FSIP1: variants seen among roughly 807,000 people sequenced by gnomAD.
FSIP1 encodes the protein fibrous sheath interacting protein 1.
A neutral mutation model predicts 60.9 loss-of-function variants in FSIP1; 65 were observed. The ratio of observed to expected loss-of-function variants is 1.07; its 90% CI spans 0.87 to 1.31. The LOEUF (loss-of-function observed/expected upper bound fraction) is 1.31. FSIP1 is among the 40% of genes most tolerant of loss of function. The pLI is 0.00. For missense variants in FSIP1, 675 were observed against 665.5 expected (o/e 1.01, Z -0.16); for synonymous variants, 209 against 221.2 (o/e 0.94, Z 0.49).
intron 10 of FSIP1, among the ~76,000 whole-genome samples, chr15:39,674,240 G>C (rs1457396468): frequency 6.6e-6 from 1 of 151,988 alleles, no homozygotes; most frequent in African/African-American, 2.4e-5. Context: ...AGTTTTAGTA[G>C]AGACAGGGTT....
intron 10 of FSIP1, among the ~76,000 whole-genome samples, chr15:39,640,601 A>G (rs1222609419): frequency 2.0e-5 from 3 of 152,216 alleles, no homozygotes; most frequent in Non-Finnish European, 2.9e-5. Flanking sequence ...ATAAAAGAAG[A>G]ACTTCAGCTG....
At chr15:39,745,541 G>T (rs1453075330) in intron 5 of FSIP1, among the ~76,000 whole-genome samples, 1 of 152,172 alleles carries the variant, frequency 6.6e-6, no homozygotes, top group Non-Finnish European at 1.5e-5. Context: ...AGAGTCTCAA[G>T]TGGCCAGAGT....
chr15:39,707,840 A>C (rs1411412798), intron 10 of FSIP1, among the ~76,000 whole-genome samples: 1 of 152,056 alleles, frequency 6.6e-6, no homozygotes. Flanking sequence ...GCCCTTAACC[A>C]CCAAGCCCCC....
chr15:39,756,624 ACC>A (rs1303590805), intron 5 of FSIP1, among the ~76,000 whole-genome samples: 3 of 152,112 alleles, frequency 2.0e-5, no homozygotes, highest in Admixed American at 1.3e-4. Context: ...TGCATGAACC[ACC>A]CACCCAACCT....
chr15:39,623,573 T>G (rs1159208844), intron 10 of FSIP1, among the ~76,000 whole-genome samples: 5 of 152,224 alleles, frequency 3.3e-5, no homozygotes, highest in Admixed American at 3.3e-4. Flanking sequence ...AGATATAAGT[T>G]TATAGCTCTC....
intron 10 of FSIP1, among the ~76,000 whole-genome samples, chr15:39,700,298 C>T (rs1047520997): frequency 3.9e-5 from 6 of 152,186 alleles, no homozygotes; most frequent in Non-Finnish European, 8.8e-5. Flanking sequence ...CTTTCCAAAT[C>T]GCTCTGCTAT....
At chr15:39,731,730 C>T (rs1896411507) in intron 8 of FSIP1, among the ~76,000 whole-genome samples, 2 of 152,178 alleles carry the variant, frequency 1.3e-5, no homozygotes, top group Admixed American at 1.3e-4. Context: ...AAATGCTTTT[C>T]ACCAGCAACC....
chr15:39,742,208 G>A (rs1896827576), intron 5 of FSIP1, among the ~76,000 whole-genome samples: 1 of 152,158 alleles, frequency 6.6e-6, no homozygotes, highest in Non-Finnish European at 1.5e-5. Flanking sequence ...CAGAGATAAT[G>A]CATCCAAATC....
At chr15:39,695,158 C>G (rs558148471) in intron 10 of FSIP1, among the ~76,000 whole-genome samples, 1 of 152,232 alleles carries the variant, frequency 6.6e-6, no homozygotes, top group South Asian at 2.1e-4. Flanking sequence ...GCCATGCCCA[C>G]CATTTTGAAA....
chr15:39,769,981 C>A (rs888166540), intron 3 of FSIP1, among the ~76,000 whole-genome samples: 6 of 152,192 alleles, frequency 3.9e-5, no homozygotes, highest in Non-Finnish European at 8.8e-5. Flanking sequence ...CTCTGCAGAC[C>A]ACTTTTTGAG....
At chr15:39,606,777 G>T (rs112485132) in intron 11 of FSIP1, among the ~76,000 whole-genome samples, 104 of 152,162 alleles carry the variant, frequency 6.8e-4, no homozygotes, top group African/African-American at 2.4e-3. Context: ...TTTGTTATTT[G>T]CTAATACCAT....
chr15:39,739,151 G>A (rs1194831073), intron 7 of FSIP1, among the ~76,000 whole-genome samples: 1 of 152,208 alleles, frequency 6.6e-6, no homozygotes, highest in Non-Finnish European at 1.5e-5. Flanking sequence ...ATAGGTGCTT[G>A]AAGCAGAAGC....
chr15:39,744,328 T>C (rs1194589384), intron 5 of FSIP1, among the ~76,000 whole-genome samples: 2 of 151,992 alleles, frequency 1.3e-5, no homozygotes, highest in Admixed American at 6.6e-5. Flanking sequence ...AGCCAAAACA[T>C]TGATGATTGA....
intron 10 of FSIP1, among the ~76,000 whole-genome samples, chr15:39,681,995 T>C (rs1233448456): frequency 6.6e-6 from 1 of 152,222 alleles, no homozygotes; most frequent in Non-Finnish European, 1.5e-5. Context: ...GGATTTTTTT[T>C]AAATGTTGGG....
chr15:39,758,715 T>C (rs1487691905), intron 5 of FSIP1, among the ~76,000 whole-genome samples: 1 of 149,762 alleles, frequency 6.7e-6, no homozygotes, highest in Admixed American at 6.6e-5. Context: ...AAAAATAATG[T>C]AGTCATTGCT....
chr15:39,616,672 G>A (rs185445579), intron 11 of FSIP1, among the ~76,000 whole-genome samples: 11 of 152,350 alleles, frequency 7.2e-5, no homozygotes, highest in African/African-American at 2.6e-4. Flanking sequence ...CTTCAGGTCA[G>A]ATCATGGAGA....
chr15:39,769,534 TC>T (rs1299589194), intron 3 of FSIP1, among the ~76,000 whole-genome samples: 7 of 152,214 alleles, frequency 4.6e-5, no homozygotes, highest in African/African-American at 1.4e-4. Context: ...AGTGGCCAGT[TC>T]AGCTCTCAAC....
chr15:39,699,860 T>C (rs1894987122), intron 10 of FSIP1, among the ~76,000 whole-genome samples: 1 of 152,186 alleles, frequency 6.6e-6, no homozygotes, highest in Non-Finnish European at 1.5e-5. Context: ...GATATTTTTT[T>C]AAAAGACATA....
intron 5 of FSIP1, among the ~76,000 whole-genome samples, chr15:39,743,899 C>T (rs952098313): frequency 2.6e-5 from 4 of 152,028 alleles, no homozygotes; most frequent in Non-Finnish European, 4.4e-5. Flanking sequence ...AAATAATAGG[C>T]CTACTATCTT....
Sources: gnomAD v4.1 joint callset for allele counts (sites outside exome capture counted in the v4.1 genomes callset) on GRCh38, gnomAD v4.1.1 for gene constraint, MANE v1.5 for transcripts, NCBI Gene and HGNC (gene_info 2026-07-23, HGNC 2026-07-21) for gene names.